The following ZFHX4 variants were observed in gnomAD, a reference collection of about 807,000 sequenced individuals.
ZFHX4 encodes the protein zinc finger homeobox 4, also known as zinc finger homeobox protein 4.
A neutral mutation model predicts 267.6 loss-of-function variants in ZFHX4; 56 were observed. The ratio of observed to expected loss-of-function variants is 0.21; its 90% confidence interval spans 0.17 to 0.26. The LOEUF is 0.26. Ranked by LOEUF, ZFHX4 falls within the 10% of genes least tolerant of loss-of-function variation. The probability of loss-of-function intolerance (pLI) is 1.00; values close to 1 mark genes in which losing one functional copy is unlikely to be tolerated. For synonymous variants in ZFHX4, 1,778 were observed against 1,665.6 expected (o/e 1.07, Z -1.64); for missense variants, 4,332 against 4,420.0 (o/e 0.98, Z 0.56).
In ZFHX4 at chr8:76,850,028, T is replaced by A. The variant is rs572956692; in HGVS notation, c.3847-217T>A. ...CATTATCATTATAAAAAAATAAACC[T>A]ACAGGAACCTTTAAGCCATAATAAT... On this transcript the variant is annotated intron_variant, in intron 8 of 10. Coordinates refer to ENST00000651372, the MANE Select transcript of ZFHX4 (RefSeq NM_024721.5). 1.8e-3 allele frequency: 1,044 copies of A among 577,678 alleles called. 10 individuals carry two copies. The highest frequency in any genetic ancestry group is 7.0e-3 in the South Asian group (315 of 44,758). 35.8% of individuals were successfully genotyped at this position (577,678 alleles called of 1,614,324 possible). A position where few individuals can be genotyped will look rare whatever the true frequency, so the allele number is the denominator to read the frequency against.
chr8:76,806,196 A>T (rs1046599615), intron 4 of ZFHX4, among the ~76,000 whole-genome samples: 4 of 152,058 alleles, frequency 2.6e-5, no homozygotes, highest in African/African-American at 9.7e-5. Flanking sequence ...ACAACATCCC[A>T]CTCAAATAAC....
At chr8:76,746,899 G>T (rs1242874675) in intron 3 of ZFHX4, among the ~76,000 whole-genome samples, 2 of 152,088 alleles carry the variant, frequency 1.3e-5, no homozygotes, top group Admixed American at 6.6e-5. Context: ...CCGCAAACTC[G>T]ACTAATGGAT....
rs564526501 is a variant in ZFHX4 at position 76,863,760 on chromosome 8, C to T, written c.10046C>T (p.Thr3349Ile). 9.0e-6 allele frequency: 14 copies of T among 1,552,786 alleles called. No homozygotes were observed. The East Asian group carries it at 3.4e-4, about 38-fold the overall frequency. ...EQQQKPVQAK[T>I]SKVESDQPQN... The stretch of plus-strand genomic sequence containing the variant: ...CAGCAGAAACCAGTTCAGGCAAAGA[C>T]ATCCAAAGTAGAAAGTGACCAGCCG... Residue 3349 changes from threonine (T) to isoleucine (I), a missense_variant, in exon 11 of 11, where the codon ACA (threonine) becomes ATA (isoleucine). By Grantham distance (89) the Thr-to-Ile change is moderately conservative. Transcript: ENST00000651372.
chr8:76,707,775 A>C lies in ZFHX4; in HGVS notation c.2820A>C (p.Gly940=). The C allele has an allele frequency of 6.2e-7, 1 of 1,614,026 alleles. No individual in the cohort carries two copies. The highest frequency in any genetic ancestry group is 8.5e-7 in the Non-Finnish European group (1 of 1,179,942). Residue 940 remains glycine, a synonymous_variant, in exon 3 of 11, where the codon GGA becomes GGC. Transcript: ENST00000651372. ...LPEEEWRAVI[G]DIYQCKLCNY... ...AAGAGGAATGGAGGGCAGTAATTGGAGATATCTACCAGTGCAAGCTCTGCA... is the reference window on the plus strand; with the variant it reads ...AAGAGGAATGGAGGGCAGTAATTGGCGATATCTACCAGTGCAAGCTCTGCA...
At chr8:76,719,128 A>G (rs989444586) in intron 3 of ZFHX4, among the ~76,000 whole-genome samples, 3 of 149,056 alleles carry the variant, frequency 2.0e-5, no homozygotes, top group Non-Finnish European at 4.5e-5. Context: ...TTTTTTGTCC[A>G]AACTTCCTTG....
chr8:76,700,996 G>A (rs956616935), intron 1 of ZFHX4, among the ~76,000 whole-genome samples: 1 of 152,034 alleles, frequency 6.6e-6, no homozygotes. Context: ...TTTTTACTGG[G>A]ACTTATAAAA....
intron 5 of ZFHX4, among the ~76,000 whole-genome samples, chr8:76,839,053 A>AAGAGAGAGAGAGAGAG (rs35873786): frequency 8.4e-5 from 9 of 107,454 alleles, no homozygotes; most frequent in Non-Finnish European, 1.3e-4. Flanking sequence ...CTCTGTCTGA[A>AAGAGAGAGAGAGAGAG]AGAGAGAGAG....
chr8:76,829,885 G>A (rs997553021), intron 4 of ZFHX4, among the ~76,000 whole-genome samples: 6 of 152,080 alleles, frequency 3.9e-5, no homozygotes, highest in Non-Finnish European at 5.9e-5. Context: ...TTTGGGTTAC[G>A]CTAAAGAAAT....
At position 76,706,915 on chromosome 8, in the gene ZFHX4, C is replaced by T. The variant is rs138862832; in HGVS notation, c.2590+237C>T. Among the ~76,000 whole-genome samples, 23 of 152,298 alleles carry T rather than the reference C, an allele frequency of 1.5e-4. No individual in the cohort carries two copies. In the East Asian group the frequency reaches 4.4e-3, roughly 29 times the overall value. ...CATCAGCGAAGTTAGCAAACTTTGT[C>T]TTCATTCAGTAAGTTGATTAACAAA... On this transcript the variant is annotated intron_variant, in intron 2 of 10. Transcript: ENST00000651372.
At chr8:76,709,119 T>C (rs2131617037) in intron 3 of ZFHX4, among the ~76,000 whole-genome samples, 1 of 152,268 alleles carries the variant, frequency 6.6e-6, no homozygotes, top group East Asian at 1.9e-4. Flanking sequence ...TAACCACACA[T>C]GAAAAGAGCA....
intron 3 of ZFHX4, among the ~76,000 whole-genome samples, chr8:76,734,139 A>C (rs976425462): frequency 6.6e-6 from 1 of 152,194 alleles, no homozygotes; most frequent in African/African-American, 2.4e-5. Flanking sequence ...TATAAACGCC[A>C]GCCTTTAATG....
chr8:76,822,777 C>T (rs976018171), intron 4 of ZFHX4, among the ~76,000 whole-genome samples: 12 of 152,066 alleles, frequency 7.9e-5, no homozygotes, highest in African/African-American at 2.9e-4. Context: ...TGTCATCCTT[C>T]AGTGTCACTT....
At chr8:76,799,650 G>A (rs151259294) in intron 4 of ZFHX4, among the ~76,000 whole-genome samples, 1 of 152,048 alleles carries the variant, frequency 6.6e-6, no homozygotes, top group Non-Finnish European at 1.5e-5. Flanking sequence ...ACACATACTC[G>A]AGTGTTTACT....
intron 10 of ZFHX4, among the ~76,000 whole-genome samples, chr8:76,856,639 G>A (rs1812735824): frequency 6.6e-6 from 1 of 152,076 alleles, no homozygotes; most frequent in Non-Finnish European, 1.5e-5. Flanking sequence ...ATGTGGCTTA[G>A]TATTTGGTAC....
chr8:76,793,295 G>T (rs1463899287), intron 4 of ZFHX4, among the ~76,000 whole-genome samples: 2 of 151,012 alleles, frequency 1.3e-5, no homozygotes, highest in Non-Finnish European at 2.9e-5. Context: ...ATACATACAG[G>T]CGTTCTCAAA....
intron 3 of ZFHX4, among the ~76,000 whole-genome samples, chr8:76,761,736 T>C (rs1563507180): frequency 1.3e-5 from 2 of 152,186 alleles, no homozygotes; most frequent in Non-Finnish European, 2.9e-5. Context: ...TCTTGGGATG[T>C]TTTACAGAGA....
chr8:76,692,532 A>G (rs1807850906), intron 1 of ZFHX4, among the ~76,000 whole-genome samples: 1 of 152,044 alleles, frequency 6.6e-6, no homozygotes, highest in Non-Finnish European at 1.5e-5. Flanking sequence ...CAGCCAACTT[A>G]TGGGTCTCCA....
At chr8:76,835,083 T>G (rs1159678774) in intron 5 of ZFHX4, among the ~76,000 whole-genome samples, 2 of 150,862 alleles carry the variant, frequency 1.3e-5, no homozygotes, top group Non-Finnish European at 3.0e-5. Flanking sequence ...AAGTATATAT[T>G]AATAAGCTGG....
chr8:76,743,741 C>A (rs568225486), intron 3 of ZFHX4, among the ~76,000 whole-genome samples: 2 of 152,226 alleles, frequency 1.3e-5, no homozygotes, highest in African/African-American at 4.8e-5. Flanking sequence ...TAGCTGTATG[C>A]AAACACTTTT....
Sources: allele counts gnomAD v4.1 joint callset (sites outside exome capture counted in the v4.1 genomes callset), GRCh38; gene constraint gnomAD v4.1.1; transcripts MANE v1.5; gene names NCBI Gene and HGNC (gene_info 2026-07-23, HGNC 2026-07-21).